THSD7A: variants seen among roughly 807,000 people sequenced by gnomAD.
THSD7A encodes the protein thrombospondin type 1 domain containing 7A.
A neutral mutation model predicts 231.3 loss-of-function variants in THSD7A; 96 were observed. The observed-to-expected ratio is 0.41, with a 90% CI of 0.35 to 0.49. THSD7A has a LOEUF of 0.49. Ranked by LOEUF, THSD7A falls within the 20% of genes least tolerant of loss-of-function variation. The probability of loss-of-function intolerance (pLI) is 0.05; values close to 1 mark genes in which losing one functional copy is unlikely to be tolerated. For missense variants in THSD7A, 2,290 were observed against 2,070.2 expected, an observed-to-expected ratio of 1.11 and a Z score of -2.06; for synonymous variants, 940 against 743.3, an observed-to-expected ratio of 1.26 and a Z score of -4.30.
intron 1 of THSD7A, among the ~76,000 whole-genome samples, chr7:11,769,899 C>T (rs117511569): frequency 0.016 from 2,434 of 152,128 alleles, 25 homozygotes; most frequent in Admixed American, 0.03. Flanking sequence ...AATTAAATAA[C>T]GTAAATAAGC....
chr7:11,738,102 G>C (rs1207469854), intron 1 of THSD7A, among the ~76,000 whole-genome samples: 1 of 151,902 alleles, frequency 6.6e-6, no homozygotes, highest in African/African-American at 2.4e-5. Flanking sequence ...AGTTTATTGA[G>C]TGCTAGATCT....
chr7:11,752,504 C>T (rs1162260067), intron 1 of THSD7A, among the ~76,000 whole-genome samples: 1 of 152,014 alleles, frequency 6.6e-6, no homozygotes, highest in Non-Finnish European at 1.5e-5. Context: ...AGGGAAGAAT[C>T]CACTGATGCA....
chr7:11,773,216 TA>T (rs1266209713), intron 1 of THSD7A, among the ~76,000 whole-genome samples: 4 of 152,186 alleles, frequency 2.6e-5, no homozygotes, highest in Non-Finnish European at 4.4e-5. Flanking sequence ...ATTTAGTAGT[TA>T]AATGTAAAGT....
chr7:11,721,757 A>AT (rs1291821456), intron 1 of THSD7A, among the ~76,000 whole-genome samples: 1 of 151,798 alleles, frequency 6.6e-6, no homozygotes, highest in Admixed American at 6.6e-5. Context: ...TGGAAAACTG[A>AT]TTTTTACATT....
In THSD7A at chr7:11,590,827, G is replaced by A. The variant is rs986696293; in HGVS notation, c.1272-186C>T. Among the ~76,000 whole-genome samples, 2 of 152,138 alleles carry A rather than the reference G, an allele frequency of 1.3e-5. No individual in the cohort carries two copies. Among genetic ancestry groups the A allele is most frequent in the African/African-American group, 2.4e-5 (1 of 41,428 alleles). ...TATGCTCTGCAGTGCTCCATTTAAC[G>A]AGGGGTTAAATTTAGGGTGATCCTG... On this transcript the variant is annotated intron_variant, in intron 3 of 27. Transcript: ENST00000423059. The surrounding 1 kb of genome is among the most constrained non-coding windows in gnomAD (Gnocchi z 4.4).
chr7:11,589,516 A>C (rs1456152603), intron 4 of THSD7A, among the ~76,000 whole-genome samples: 1 of 152,176 alleles, frequency 6.6e-6, no homozygotes, highest in African/African-American at 2.4e-5. Context: ...ACTTGGTTGT[A>C]TGGCATGGCA....
At chr7:11,433,998 A>T (rs1378194395) in intron 13 of THSD7A, among the ~76,000 whole-genome samples, 1 of 152,034 alleles carries the variant, frequency 6.6e-6, no homozygotes, top group Non-Finnish European at 1.5e-5. Context: ...TATCAATTTT[A>T]TTTTCCAATG....
At chr7:11,736,463 G>GTC (rs1240917835) in intron 1 of THSD7A, among the ~76,000 whole-genome samples, 1 of 147,622 alleles carries the variant, frequency 6.8e-6, no homozygotes, top group East Asian at 2.0e-4. Context: ...CTGTGTGTGT[G>GTC]TGTGTGTGTG....
intron 6 of THSD7A, among the ~76,000 whole-genome samples, chr7:11,482,788 T>C (rs1331834194): frequency 1.3e-5 from 2 of 152,140 alleles, no homozygotes; most frequent in African/African-American, 4.8e-5. Flanking sequence ...CTTGACACTC[T>C]AGAGATTGGC....
intron 7 of THSD7A, among the ~76,000 whole-genome samples, chr7:11,480,976 T>C (rs1786399346): frequency 1.3e-5 from 2 of 152,218 alleles, no homozygotes; most frequent in Admixed American, 6.6e-5. Flanking sequence ...ACTTATATTC[T>C]TGAGAAAGAA....
At chr7:11,558,954 G>A (rs60842892) in intron 4 of THSD7A, among the ~76,000 whole-genome samples, 2 of 151,130 alleles carry the variant, frequency 1.3e-5, no homozygotes, top group East Asian at 3.9e-4. Context: ...GAAGCTTCTC[G>A]AGTGCGTTAG....
At chr7:11,432,648 T>C (rs1014560258) in intron 13 of THSD7A, among the ~76,000 whole-genome samples, 1 of 152,116 alleles carries the variant, frequency 6.6e-6, no homozygotes, top group African/African-American at 2.4e-5. Context: ...CTGAATATTG[T>C]TTATTCTGGT....
intron 6 of THSD7A, among the ~76,000 whole-genome samples, chr7:11,534,412 T>A (rs1206669769): frequency 6.6e-6 from 1 of 152,090 alleles, no homozygotes; most frequent in Non-Finnish European, 1.5e-5. Flanking sequence ...AGCCACCATA[T>A]AAAAAGAAGC....
chr7:11,535,792 C>T (rs998291216), intron 6 of THSD7A, among the ~76,000 whole-genome samples: 1 of 152,110 alleles, frequency 6.6e-6, no homozygotes, highest in African/African-American at 2.4e-5. Flanking sequence ...TGAAGTTGTG[C>T]TCTCATCTAG....
intron 16 of THSD7A, among the ~76,000 whole-genome samples, chr7:11,418,995 T>C (rs1018661612): frequency 1.3e-5 from 2 of 152,160 alleles, no homozygotes; most frequent in African/African-American, 2.4e-5. Context: ...AAAAATGTTA[T>C]GGTGACAGCA....
chr7:11,675,703 CT>C (rs1354393813), intron 1 of THSD7A, among the ~76,000 whole-genome samples: 1 of 152,216 alleles, frequency 6.6e-6, no homozygotes, highest in African/African-American at 2.4e-5. Context: ...GGTAGCCAGA[CT>C]GCCTCTCTAG....
chr7:11,611,836 ATCTG>A lies in THSD7A; in HGVS notation c.1023-18338_1023-18335del, dbSNP rs1165153832. Among the ~76,000 whole-genome samples, 157 of 135,344 alleles carry A rather than the reference ATCTG, an allele frequency of 1.2e-3. 1 individual carries two copies. The highest frequency in any genetic ancestry group is 1.4e-3 in the African/African-American group (50 of 35,140). The allele number at this position is 135,344 out of a possible 152,430, so 88.8% of individuals were successfully genotyped here. A position where few individuals can be genotyped will look rare whatever the true frequency, so the allele number is the denominator to read the frequency against. ...CACACACACACACACACACACTATC[ATCTG>A]TCTATCTATCTATCTATCTATCTAT... On this transcript the variant is annotated intron_variant, in intron 2 of 27. Coordinates refer to ENST00000423059, the MANE Select transcript of THSD7A (RefSeq NM_015204.3).
intron 4 of THSD7A, among the ~76,000 whole-genome samples, chr7:11,556,817 C>G (rs896566907): frequency 5.3e-5 from 8 of 152,152 alleles, no homozygotes; most frequent in African/African-American, 1.9e-4. Flanking sequence ...TATATGGTTT[C>G]TGGTTCACTG....
chr7:11,509,986 G>A (rs1351769754), intron 6 of THSD7A, among the ~76,000 whole-genome samples: 1 of 151,908 alleles, frequency 6.6e-6, no homozygotes, highest in African/African-American at 2.4e-5. Context: ...ATTACATAAT[G>A]TATACGTGTA....
Sources: allele counts gnomAD v4.1 joint callset (sites outside exome capture counted in the v4.1 genomes callset), GRCh38; gene constraint gnomAD v4.1.1; non-coding constraint Gnocchi (gnomAD v3.1); transcripts MANE v1.5; gene names NCBI Gene and HGNC (gene_info 2026-07-23, HGNC 2026-07-21).